The following APC2 variants were observed in gnomAD, a reference collection of about 807,000 sequenced individuals.
The protein encoded by APC2 is APC regulator of Wnt signaling pathway 2, also known as adenomatous polyposis coli protein 2.
Under a neutral mutation model 72.5 loss-of-function variants are expected in APC2, and 41 were observed. That is an observed-to-expected ratio of 0.57 (90% CI 0.44 to 0.73). The LOEUF (loss-of-function observed/expected upper bound fraction) is 0.73. APC2 is among the 30% of genes least tolerant of loss of function. APC2 has a pLI of 0.00. For synonymous variants in APC2, 1,898 were observed against 1,612.0 expected, an observed-to-expected ratio of 1.18 and a Z score of -4.25; for missense variants, 3,729 against 3,403.4, an observed-to-expected ratio of 1.10 and a Z score of -2.38.
At chr19:1,455,969 G>A (rs1326585609) in intron 6 of APC2, 107 bp from the exon 7 acceptor site, 1 of 1,204,384 alleles carries the variant, frequency 8.3e-7, no homozygotes. Context: ...GGGGTTATCA[G>A]GAAGAGGCGG....
chr19:1,463,689 GC>G (rs1475729657), intron 14 of APC2, among the ~76,000 whole-genome samples: 1 of 152,038 alleles, frequency 6.6e-6, no homozygotes, highest in Non-Finnish European at 1.5e-5. Context: ...GGTTGAGGCT[GC>G]AGTGACCTGT....
rs965550253 is a variant in APC2 at position 1,472,177 on chromosome 19, C to G, written c.*1964C>G. On this transcript the variant is annotated 3_prime_UTR_variant, in exon 15 of 15. Coordinates refer to ENST00000590469, the MANE Select transcript of APC2 (RefSeq NM_005883.3). ...ACAGCGGGGGTCTCACACTTGCTGTCCCCATCCATGGCCCGAGGGGGAACC... is the reference window on the plus strand; with the variant it reads ...ACAGCGGGGGTCTCACACTTGCTGTGCCCATCCATGGCCCGAGGGGGAACC... 1.3e-5 allele frequency: 2 copies of G among 152,250 alleles called. No homozygotes were observed. The highest frequency in any genetic ancestry group is 4.8e-5 in the African/African-American group (2 of 41,452). 9.4% of individuals were successfully genotyped at this position (152,250 alleles called of 1,614,324 possible).
Position 1,465,449 on chromosome 19 carries a change from C to T in APC2, c.2148C>T (p.Pro716=), listed in dbSNP as rs545754702. 6.5e-7 allele frequency: 1 copy of T among 1,538,014 alleles called. No homozygotes were observed. Among genetic ancestry groups the T allele is most frequent in the Admixed American group, 2.0e-5 (1 of 51,242 alleles). ...ATAVSPGSCV[P]SLYVRKQRAL... ...CCGTGTCCCCAGGCAGCTGCGTGCC[C>T]AGCCTGTACGTGCGCAAGCAGCGGG... Residue 716 remains proline, a synonymous_variant, in exon 15 of 15, where the codon CCC becomes CCT. Coordinates refer to ENST00000590469, the MANE Select transcript of APC2 (RefSeq NM_005883.3).
chr19:1,459,708 C>CTTTTGTAA (rs1238051997), intron 10 of APC2, among the ~76,000 whole-genome samples: 1 of 152,202 alleles, frequency 6.6e-6, no homozygotes, highest in Non-Finnish European at 1.5e-5. Context: ...TGATTTCCCC[C>CTTTTGTAA]TTTTGTAATG....
chr19:1,469,444 C>G lies in APC2; in HGVS notation c.6143C>G (p.Ala2048Gly). Reference sequence around the variant, plus strand: ...TCCTCGCGCTGCGAAGAGCTCCGAGCGGCACCCCGGCAGGGCCCGGCCCCG... The same window carrying G: ...TCCTCGCGCTGCGAAGAGCTCCGAGGGGCACCCCGGCAGGGCCCGGCCCCG... ...LCSSRCEELR[A>G]APRQGPAPAR... Residue 2048 changes from alanine (A) to glycine (G), a missense_variant, in exon 15 of 15, where the codon GCG becomes GGG. Ala to Gly is a moderately conservative substitution (Grantham distance 60). Coordinates refer to ENST00000590469, the MANE Select transcript of APC2 (RefSeq NM_005883.3). The G allele has an allele frequency of 3.5e-6, 4 of 1,158,266 alleles. No individual in the cohort carries two copies. Among genetic ancestry groups the G allele is most frequent in the East Asian group, 4.6e-5 (1 of 21,630 alleles). 71.7% of individuals were successfully genotyped at this position (1,158,266 alleles called of 1,614,324 possible). A position where few individuals can be genotyped will look rare whatever the true frequency, so the allele number is the denominator to read the frequency against.
chr19:1,457,920 C>T, intron 9 of APC2, 45 bp from the exon 10 acceptor site: 2 of 1,438,554 alleles, frequency 1.4e-6, no homozygotes, highest in Non-Finnish European at 1.9e-6. Flanking sequence ...TCACCTGGGA[C>T]ATTTCCTGGG....
rs1417678926 is a variant in APC2 at position 1,466,983 on chromosome 19, C to G, written c.3682C>G (p.Gln1228Glu). The change falls in exon 15 of 15, where the codon CAG (glutamine) becomes GAG (glutamate). Residue 1228 changes from glutamine to glutamate, a missense_variant. Transcript: ENST00000590469. ...PAPQGPPEAT[Q>E]FSLQWESYVK... The stretch of plus-strand genomic sequence containing the variant: ...GCCACAGGGTCCCCCCGAGGCCACC[C>G]AGTTCAGCCTGCAGTGGGAGAGCTA... 6.2e-7 allele frequency: 1 copy of G among 1,608,202 alleles called. No homozygotes were observed. The highest frequency in any genetic ancestry group is 1.7e-5 in the Admixed American group (1 of 59,478).
Position 1,469,183 on chromosome 19 carries a change from C to T in APC2, c.5882C>T (p.Ala1961Val). ...CCCAGGGGCCGGGCGGGGACCGAGG[C>T]GGGCCCGGGGGCGCGCGGGGGCCGC... ...PGPRGRAGTE[A>V]GPGARGGRLG... is the part of the protein sequence containing the mutation. The change falls in exon 15 of 15, where the codon GCG becomes GTG. Residue 1961 changes from alanine to valine, a missense_variant. Transcript: ENST00000590469. 7.8e-7 allele frequency: 1 copy of T among 1,282,714 alleles called. No individual in the cohort carries two copies. The highest frequency in any genetic ancestry group is 9.8e-7 in the Non-Finnish European group (1 of 1,015,786). The allele number at this position is 1,282,714 out of a possible 1,614,324, so 79.5% of individuals were successfully genotyped here.
In APC2 at chr19:1,467,540, A is replaced by G. The variant is rs1568181499; in HGVS notation, c.4239A>G (p.Gly1413=). Residue 1413 remains glycine (G), a synonymous_variant, in exon 15 of 15, where the codon GGA becomes GGG. Coordinates refer to ENST00000590469, the MANE Select transcript of APC2 (RefSeq NM_005883.3). ...CGCTCAGCGACGAGACGCTGCAGGG[A>G]CCCCCCAGGGACCAGCCCGGGGGAC... ...AASLSDETLQ[G]PPRDQPGGPA... 8.7e-6 allele frequency: 13 copies of G among 1,488,978 alleles called. No individual in the cohort carries two copies. In the South Asian group the frequency reaches 1.5e-4, roughly 18 times the overall value. The allele number at this position is 1,488,978 out of a possible 1,614,324, so 92.2% of individuals were successfully genotyped here.
At chr19:1,450,445 T>C (rs2083730089) in intron 1 of APC2, 107 bp downstream of exon 1, 2 of 872,658 alleles carry the variant, frequency 2.3e-6, no homozygotes, top group South Asian at 5.2e-5. Flanking sequence ...GGACCCTCCA[T>C]TTCCCCAGAG....
At position 1,457,904 on chromosome 19, in the gene APC2, C is replaced by T. The variant is rs374392097; in HGVS notation, c.1208-61C>T. On this transcript the variant is annotated intron_variant, in intron 9 of 14. Coordinates refer to ENST00000590469, the MANE Select transcript of APC2 (RefSeq NM_005883.3). ...TGGGGCGGGCGGGTTGCGGGACCTT[C>T]GGGAGTCACCTGGGACATTTCCTGG... The T allele has an allele frequency of 1.1e-4, 103 of 929,034 alleles. No homozygotes were observed. The East Asian group carries it at 1.6e-3, about 14-fold the overall frequency. 57.5% of individuals were successfully genotyped at this position (929,034 alleles called of 1,614,324 possible).
Position 1,452,016 on chromosome 19 carries a change from G to T in APC2, c.-18-968G>T. ...GTGAGGAAGGGGCTCAGGCTGGCAG[G>T]GGGAGGTGGCAGAGGGATGGGCTGC... On this transcript the variant is annotated intron_variant, in intron 1 of 14. Coordinates refer to ENST00000590469, the MANE Select transcript of APC2 (RefSeq NM_005883.3). The surrounding 1 kb of genome is among the most constrained non-coding windows in gnomAD (Gnocchi z 5.1). The T allele has an allele frequency of 6.4e-6, 1 of 155,558 alleles. No individual in the cohort carries two copies. The highest frequency in any genetic ancestry group is 1.9e-4 in the East Asian group (1 of 5,362). The allele number at this position is 155,558 out of a possible 1,614,324, so 9.6% of individuals were successfully genotyped here. A position where few individuals can be genotyped will look rare whatever the true frequency, so the allele number is the denominator to read the frequency against.
At chr19:1,457,885 G>T (rs576210142) in intron 9 of APC2, 80 bp from the exon 10 acceptor site, 4 of 1,210,114 alleles carry the variant, frequency 3.3e-6, no homozygotes, top group South Asian at 1.3e-5. Context: ...GGCCTGGGGC[G>T]GGCGGGTTGC....
chr19:1,469,145 C>T lies in APC2; in HGVS notation c.5844C>T (p.Val1948=). Residue 1948 remains valine (V), a synonymous_variant, in exon 15 of 15, where the codon GTC becomes GTT. Transcript: ENST00000590469. ...RRGPPPLARA[V]PEPGPRGRAG... ...GGCCGCCACCGCTGGCTCGGGCAGTCCCGGAGCCGGGCCCCAGGGGCCGGG... is the reference window on the plus strand; with the variant it reads ...GGCCGCCACCGCTGGCTCGGGCAGTTCCGGAGCCGGGCCCCAGGGGCCGGG... 1 of 1,292,570 alleles carries T rather than the reference C, an allele frequency of 7.7e-7. No homozygotes were observed. Among genetic ancestry groups the T allele is most frequent in the Non-Finnish European group, 9.8e-7 (1 of 1,019,264 alleles). The allele number at this position is 1,292,570 out of a possible 1,614,324, so 80.1% of individuals were successfully genotyped here. A position where few individuals can be genotyped will look rare whatever the true frequency, so the allele number is the denominator to read the frequency against.
At chr19:1,448,422 T>C (rs919404744), upstream of APC2, among the ~76,000 whole-genome samples, 5 of 151,864 alleles carry the variant, frequency 3.3e-5, no homozygotes, top group Non-Finnish European at 7.4e-5. Flanking sequence ...GGTACATGCC[T>C]GTAATCCCAG....
Position 1,452,484 on chromosome 19 carries a change from C to T in APC2, c.-18-500C>T, listed in dbSNP as rs35025656. 10,080 of 163,544 alleles carry T rather than the reference C, an allele frequency of 0.062. 471 individuals carry two copies. Among genetic ancestry groups the T allele is most frequent in the African/African-American group, 0.14 (5,734 of 39,582 alleles). The allele number at this position is 163,544 out of a possible 1,614,324, so 10.1% of individuals were successfully genotyped here. On this transcript the variant is annotated intron_variant, in intron 1 of 14. Transcript: ENST00000590469. This position sits in a 1 kb window ranked among gnomAD's most constrained non-coding sequence, Gnocchi z 5.1. ...CGGCAGGGACAGCTGGTGGTCTGTC[C>T]GCCCCGCGTGTCTGGCTGTCAGCCT...
At position 1,466,701 on chromosome 19, in the gene APC2, G is replaced by C. The variant is rs561956294; in HGVS notation, c.3400G>C (p.Gly1134Arg). The C allele has an allele frequency of 8.8e-5, 134 of 1,524,380 alleles. 1 individual carries two copies. In the South Asian group the frequency reaches 1.6e-3, roughly 18 times the overall value. The allele number at this position is 1,524,380 out of a possible 1,614,324, so 94.4% of individuals were successfully genotyped here. The stretch of plus-strand genomic sequence containing the variant: ...CATTCCGGCTCCCCGGCGTAACCGA[G>C]GCCGGGGCCTGGGGGTGGAAGACGC... Reference protein sequence around the residue: ...VAIPAPRRNRGRGLGVEDATP... With the variant: ...VAIPAPRRNRRRGLGVEDATP... Residue 1134 changes from glycine (G) to arginine (R), a missense_variant, in exon 15 of 15, where the codon GGC becomes CGC. Physicochemically the swap from Gly to Arg is moderately radical, Grantham distance 125 (BLOSUM62 -2). Transcript: ENST00000590469.
intron 4 of APC2, among the ~76,000 whole-genome samples, chr19:1,454,277 T>A (rs1226366821): frequency 3.3e-5 from 5 of 152,034 alleles, no homozygotes; most frequent in African/African-American, 1.2e-4. Context: ...TGGAGGGAGG[T>A]TAGCAAGTAT....
At chr19:1,461,211 C>T (rs1020239918) in intron 13 of APC2, 58 bp downstream of exon 13, 25 of 1,430,392 alleles carry the variant, frequency 1.7e-5, no homozygotes, top group Admixed American at 6.7e-5. Flanking sequence ...AGACTGCTGG[C>T]GGCAGCGGGC....
Sources: gnomAD v4.1 joint callset for allele counts (sites outside exome capture counted in the v4.1 genomes callset) on GRCh38, gnomAD v4.1.1 for gene constraint, Gnocchi (gnomAD v3.1) non-coding constraint, MANE v1.5 for transcripts, NCBI Gene and HGNC (gene_info 2026-07-23, HGNC 2026-07-21) for gene names.